B3GALT1: variants seen among roughly 807,000 people sequenced by gnomAD.
B3GALT1 encodes beta-1,3-galactosyltransferase 1, also known as UDP-Gal:betaGlcNAc beta 1,3-galactosyltransferase, polypeptide 1.
Under a neutral mutation model 23.2 loss-of-function variants are expected in B3GALT1, and 10 were observed. That is an observed-to-expected ratio of 0.43 (90% CI 0.27 to 0.73). B3GALT1 has a LOEUF of 0.73. B3GALT1 is among the 30% of genes least tolerant of loss of function. B3GALT1 has a pLI of 0.21. For synonymous variants in B3GALT1, 156 were observed against 141.5 expected, an observed-to-expected ratio of 1.10 and a Z score of -0.73; for missense variants, 299 against 405.4, an observed-to-expected ratio of 0.74 and a Z score of 2.25.
chr2:167,478,741 G>A (rs1243667583), intron 1 of B3GALT1, among the ~76,000 whole-genome samples: 6 of 135,964 alleles, frequency 4.4e-5, no homozygotes, highest in East Asian at 2.5e-4. Context: ...GATAGGCCCC[G>A]GTGTGTGATG....
In B3GALT1 at chr2:167,601,648, A is replaced by G. The variant is rs533768804; in HGVS notation, c.-409-45261A>G. ...AGGGAACTTCAGTTCAAAGAAATTC[A>G]GTGACTCATTCAAGGCCTGCAGCTA... is the stretch of plus-strand genomic sequence containing the variant. On this transcript the variant is annotated intron_variant, in intron 2 of 4. Coordinates refer to ENST00000392690, the MANE Select transcript of B3GALT1 (RefSeq NM_020981.4). 2.0e-5 allele frequency among the ~76,000 whole-genome samples: 3 copies of G among 152,338 alleles called. No homozygotes were observed. The South Asian group carries it at 6.2e-4, about 32-fold the overall frequency.
At chr2:167,428,242 T>G (rs554506964) in intron 1 of B3GALT1, among the ~76,000 whole-genome samples, 2 of 152,206 alleles carry the variant, frequency 1.3e-5, no homozygotes, top group East Asian at 3.9e-4. Flanking sequence ...CTGTGAGAGG[T>G]AGACAGAAAA....
chr2:167,428,241 G>T (rs1207954936), intron 1 of B3GALT1, among the ~76,000 whole-genome samples: 1 of 152,198 alleles, frequency 6.6e-6, no homozygotes, highest in Non-Finnish European at 1.5e-5. Context: ...ACTGTGAGAG[G>T]TAGACAGAAA....
intron 3 of B3GALT1, among the ~76,000 whole-genome samples, chr2:167,656,022 C>G (rs1685949977): frequency 6.6e-6 from 1 of 152,114 alleles, no homozygotes; most frequent in South Asian, 2.1e-4. Flanking sequence ...GTCCTCGTCT[C>G]CTGATGACAG....
intron 3 of B3GALT1, among the ~76,000 whole-genome samples, chr2:167,771,194 G>A (rs934584290): frequency 3.3e-5 from 5 of 152,298 alleles, no homozygotes; most frequent in African/African-American, 7.2e-5. Context: ...ATGTGGTAAC[G>A]TGAAAGCGTC....
chr2:167,636,104 A>G (rs1196547815), intron 2 of B3GALT1, among the ~76,000 whole-genome samples: 2 of 151,830 alleles, frequency 1.3e-5, no homozygotes, highest in Non-Finnish European at 2.9e-5. Flanking sequence ...TAAAGAGATT[A>G]AAAAAGAAAT....
intron 4 of B3GALT1, among the ~76,000 whole-genome samples, chr2:167,847,520 T>G (rs1204292670): frequency 1.3e-5 from 2 of 152,084 alleles, no homozygotes; most frequent in Non-Finnish European, 2.9e-5. Flanking sequence ...GACAGAAATT[T>G]AAAAATTCTT....
chr2:167,764,943 T>G (rs1161016338), intron 3 of B3GALT1, among the ~76,000 whole-genome samples: 1 of 152,142 alleles, frequency 6.6e-6, no homozygotes, highest in Non-Finnish European at 1.5e-5. Flanking sequence ...GAATGAGCTC[T>G]TTCTTTAGGT....
At chr2:167,614,827 T>C (rs1685130250) in intron 2 of B3GALT1, among the ~76,000 whole-genome samples, 1 of 151,854 alleles carries the variant, frequency 6.6e-6, no homozygotes, top group African/African-American at 2.4e-5. Context: ...GTAAATCAAA[T>C]AGAGACAATT....
chr2:167,518,844 G>A (rs1256615557), intron 2 of B3GALT1, among the ~76,000 whole-genome samples: 2 of 152,054 alleles, frequency 1.3e-5, no homozygotes, highest in African/African-American at 2.4e-5. Context: ...AGCCACTTAC[G>A]GTCAACGTTC....
chr2:167,526,204 CAT>C (rs1574119427), intron 2 of B3GALT1, among the ~76,000 whole-genome samples: 1 of 151,358 alleles, frequency 6.6e-6, no homozygotes, highest in Non-Finnish European at 1.5e-5. Context: ...CACACACACA[CAT>C]ATATGTATAA....
At chr2:167,708,649 G>A (rs1460400093) in intron 3 of B3GALT1, among the ~76,000 whole-genome samples, 3 of 152,084 alleles carry the variant, frequency 2.0e-5, no homozygotes, top group East Asian at 1.9e-4. Context: ...CAACAAGAGC[G>A]AGACTCCATC....
intron 1 of B3GALT1, among the ~76,000 whole-genome samples, chr2:167,418,665 T>A (rs1306909070): frequency 7.0e-6 from 1 of 142,252 alleles, no homozygotes; most frequent in Non-Finnish European, 1.5e-5. Context: ...AATTTCTTCC[T>A]TTATTTCTTC....
intron 3 of B3GALT1, among the ~76,000 whole-genome samples, chr2:167,746,302 A>C (rs1199558572): frequency 6.6e-6 from 1 of 152,224 alleles, no homozygotes; most frequent in East Asian, 1.9e-4. Context: ...ATAAAATGAG[A>C]TCTTTATTAA....
At chr2:167,445,710 A>G (rs1347538605) in intron 1 of B3GALT1, among the ~76,000 whole-genome samples, 1 of 151,840 alleles carries the variant, frequency 6.6e-6, no homozygotes. Flanking sequence ...GTTTTCAATT[A>G]ACTTGGTAGA....
intron 3 of B3GALT1, among the ~76,000 whole-genome samples, chr2:167,788,652 C>A (rs1425147956): frequency 6.6e-6 from 1 of 152,028 alleles, no homozygotes; most frequent in Non-Finnish European, 1.5e-5. Context: ...TCACTCCTTG[C>A]CCACCACTCA....
chr2:167,800,182 A>G (rs1558983060), intron 3 of B3GALT1, among the ~76,000 whole-genome samples: 1 of 152,198 alleles, frequency 6.6e-6, no homozygotes, highest in Admixed American at 6.5e-5. Context: ...GTCCAATTAA[A>G]CTTTTCCCAT....
At chr2:167,648,690 A>G (rs1685800745) in intron 3 of B3GALT1, among the ~76,000 whole-genome samples, 1 of 152,132 alleles carries the variant, frequency 6.6e-6, no homozygotes, top group Non-Finnish European at 1.5e-5. Flanking sequence ...AATGCCACAT[A>G]AATGCCTTTA....
At chr2:167,352,097 T>G (rs1368354549) in intron 1 of B3GALT1, among the ~76,000 whole-genome samples, 1 of 151,376 alleles carries the variant, frequency 6.6e-6, no homozygotes, top group African/African-American at 2.4e-5. Flanking sequence ...GTAGCTGGAA[T>G]TACAGGAGTG....
Sources: gnomAD v4.1 joint callset for allele counts (sites outside exome capture counted in the v4.1 genomes callset) on GRCh38, gnomAD v4.1.1 for gene constraint, MANE v1.5 for transcripts, NCBI Gene and HGNC (gene_info 2026-07-23, HGNC 2026-07-21) for gene names.